Variants in HDAC9 observed in about 807,000 individuals in gnomAD.
HDAC9 encodes histone deacetylase 9.
Under a neutral mutation model 139.4 loss-of-function variants are expected in HDAC9, and 41 were observed. The observed-to-expected ratio is 0.29, with a 90% CI of 0.23 to 0.38. The LOEUF is 0.38. Among genes scored for constraint, HDAC9 ranks in the 10% least tolerant of loss-of-function variants. The pLI, the probability that HDAC9 is intolerant of heterozygous loss-of-function variation, is 1.00. For missense variants in HDAC9, 1,147 were observed against 1,297.0 expected (o/e 0.88, Z 1.78); for synonymous variants, 517 against 476.2 (o/e 1.09, Z -1.12).
intron 21 of HDAC9, among the ~76,000 whole-genome samples, chr7:18,859,439 A>C (rs959339865): frequency 2.6e-5 from 4 of 151,866 alleles, no homozygotes; most frequent in African/African-American, 9.7e-5. Flanking sequence ...TCAGGCCCCA[A>C]GTTCTTTCTT....
chr7:18,793,267 C>T (rs888442054), intron 16 of HDAC9, 78 bp from the exon 17 acceptor site: 11 of 972,130 alleles, frequency 1.1e-5, no homozygotes, highest in Non-Finnish European at 1.8e-5. Flanking sequence ...GCGACCTCTT[C>T]CCCTTTTACC....
At chr7:18,523,763 C>G (rs1228824175) in intron 2 of HDAC9, among the ~76,000 whole-genome samples, 3 of 151,806 alleles carry the variant, frequency 2.0e-5, no homozygotes, top group Admixed American at 6.6e-5. Context: ...GGTGCACCAT[C>G]ACATAGAGTA....
intron 1 of HDAC9, among the ~76,000 whole-genome samples, chr7:18,444,047 G>T (rs532144043): frequency 6.6e-6 from 1 of 151,952 alleles, no homozygotes; most frequent in Admixed American, 6.6e-5. Flanking sequence ...TACTAACAAA[G>T]GTGATTTGCA....
At chr7:18,291,391 C>A (rs1185578658) in intron 1 of HDAC9, among the ~76,000 whole-genome samples, 1 of 152,034 alleles carries the variant, frequency 6.6e-6, no homozygotes, top group East Asian at 1.9e-4. Flanking sequence ...AATTTCTTAA[C>A]CTTTCTGTGT....
At chr7:18,362,808 T>C (rs542056360) in intron 1 of HDAC9, among the ~76,000 whole-genome samples, 2 of 152,292 alleles carry the variant, frequency 1.3e-5, no homozygotes, top group East Asian at 1.9e-4. Flanking sequence ...TATTTGAAGG[T>C]AGAGAATCTT....
At chr7:18,474,811 A>T (rs1794988910) in intron 1 of HDAC9, among the ~76,000 whole-genome samples, 1 of 152,098 alleles carries the variant, frequency 6.6e-6, no homozygotes, top group South Asian at 2.1e-4. Flanking sequence ...TGAATGAATA[A>T]GGTAGTATGG....
intron 1 of HDAC9, among the ~76,000 whole-genome samples, chr7:18,143,909 G>A (rs1018986201): frequency 2.0e-5 from 3 of 151,998 alleles, no homozygotes; most frequent in East Asian, 1.9e-4. Context: ...CCATGTGGCA[G>A]ATAATCTCAT....
chr7:18,609,270 G>T (rs553680567), intron 6 of HDAC9, among the ~76,000 whole-genome samples: 12 of 152,140 alleles, frequency 7.9e-5, no homozygotes, highest in Non-Finnish European at 1.5e-5. Context: ...ACTTGAAATT[G>T]AACACTTGAA....
chr7:18,379,125 T>A (rs1318085797), intron 1 of HDAC9, among the ~76,000 whole-genome samples: 1 of 152,206 alleles, frequency 6.6e-6, no homozygotes, highest in East Asian at 1.9e-4. Flanking sequence ...AAAATACTTT[T>A]GAAAATCTAC....
chr7:18,496,435 A>G, intron 2 of HDAC9, 111 bp downstream of exon 2: 1 of 912,500 alleles, frequency 1.1e-6, no homozygotes, highest in Non-Finnish European at 1.7e-6. Flanking sequence ...TTTCGTGTTG[A>G]TGTTGCTATT....
rs999689532 is a variant in HDAC9, at chr7:18,273,242, C to CT, written c.25+110900dup. 3.3e-5 allele frequency among the ~76,000 whole-genome samples: 5 copies of CT among 151,542 alleles called. No homozygotes were observed. In the East Asian group the frequency reaches 5.8e-4, roughly 18 times the overall value. ...ACACCATGCCTGGCTAATTGTTAAA[C>CT]TTTTTTTGTAGATTTAGGGTCTCCC... On this transcript the variant is annotated intron_variant, in intron 2 of 12. Transcript: ENST00000417496.
chr7:18,797,612 G>A (rs1338520599), intron 17 of HDAC9, among the ~76,000 whole-genome samples: 3 of 152,204 alleles, frequency 2.0e-5, no homozygotes, highest in African/African-American at 7.2e-5. Context: ...TGGATGACTT[G>A]AGGTCTGGTG....
chr7:18,590,652 C>G (rs988020661), intron 4 of HDAC9, among the ~76,000 whole-genome samples, 166 bp downstream of exon 4: 1 of 152,152 alleles, frequency 6.6e-6, no homozygotes, highest in African/African-American at 2.4e-5. Context: ...ATTTACATAC[C>G]AGCTCACATC....
At chr7:18,811,562 A>G (rs1217181159) in intron 17 of HDAC9, among the ~76,000 whole-genome samples, 2 of 151,840 alleles carry the variant, frequency 1.3e-5, no homozygotes, top group African/African-American at 4.8e-5. Flanking sequence ...TAATTGATAC[A>G]TAATTTAATT....
At chr7:18,382,728 T>C (rs1421339412) in intron 1 of HDAC9, among the ~76,000 whole-genome samples, 1 of 152,216 alleles carries the variant, frequency 6.6e-6, no homozygotes, top group African/African-American at 2.4e-5. Context: ...AATAGTAAGC[T>C]GAGGATGTAA....
At chr7:18,269,604 C>T (rs1796222990) in intron 2 of HDAC9, among the ~76,000 whole-genome samples, 1 of 152,080 alleles carries the variant, frequency 6.6e-6, no homozygotes, top group African/African-American at 2.4e-5. Flanking sequence ...TGCCTATAGT[C>T]CCAGCTACTC....
Position 18,272,940 on chromosome 7 carries a change from A to G in HDAC9, c.25+110591A>G, listed in dbSNP as rs1399052244. Reference sequence around the variant, plus strand: ...TACTACTACTACTACTACTACTACTACTACTACTACTACTACTACTACTAC... The same window carrying G: ...TACTACTACTACTACTACTACTACTGCTACTACTACTACTACTACTACTAC... On this transcript the variant is annotated intron_variant, in intron 2 of 12. Transcript: ENST00000417496. Among the ~76,000 whole-genome samples the G allele has an allele frequency of 1.6e-3, 241 of 149,414 alleles. 1 individual carries two copies. The highest frequency in any genetic ancestry group is 2.5e-3 in the Non-Finnish European group (169 of 67,564).
intron 1 of HDAC9, among the ~76,000 whole-genome samples, chr7:18,387,470 A>T (rs748010774): frequency 2.0e-5 from 3 of 152,208 alleles, no homozygotes; most frequent in South Asian, 2.1e-4. Flanking sequence ...AAGCTTGCAA[A>T]GAATATTTTA....
chr7:18,218,573 A>G (rs1392797548), intron 2 of HDAC9, among the ~76,000 whole-genome samples: 2 of 152,228 alleles, frequency 1.3e-5, no homozygotes, highest in Non-Finnish European at 2.9e-5. Context: ...AAATGCCAGA[A>G]GGTGCGGATC....
Sources: allele counts gnomAD v4.1 joint callset (sites outside exome capture counted in the v4.1 genomes callset), GRCh38; gene constraint gnomAD v4.1.1; transcripts MANE v1.5; gene names NCBI Gene and HGNC (gene_info 2026-07-23, HGNC 2026-07-21).